Variants in SCOC observed in about 807,000 individuals in gnomAD.
SCOC encodes the protein short coiled coil protein.
A neutral mutation model predicts 9.9 loss-of-function variants in SCOC; 7 were observed. That is an observed-to-expected ratio of 0.71 (90% CI 0.40 to 1.33). The LOEUF (loss-of-function observed/expected upper bound fraction) is 1.33. Ranked by LOEUF, SCOC falls within the 40% of genes most tolerant of loss-of-function variation. The probability of loss-of-function intolerance (pLI) is 0.01; values close to 1 mark genes in which losing one functional copy is unlikely to be tolerated. For missense variants in SCOC, 66 were observed against 89.7 expected (o/e 0.74, Z 1.07); for synonymous variants, 19 against 28.2 (o/e 0.67, Z 1.03).
chr4:140,355,329 A>G (rs769878901), intron 2 of SCOC, among the ~76,000 whole-genome samples: 1 of 151,188 alleles, frequency 6.6e-6, no homozygotes, highest in Non-Finnish European at 1.5e-5. Flanking sequence ...ATAAGCATTC[A>G]TTAAAAACGT....
At chr4:140,326,340 G>GA (rs199946502) in intron 1 of SCOC, among the ~76,000 whole-genome samples, 16 of 149,790 alleles carry the variant, frequency 1.1e-4, no homozygotes, top group South Asian at 2.1e-4. Context: ...TATGCAAATT[G>GA]AAAAAAAAAT....
At chr4:140,297,303 C>T (rs879854967) in intron 1 of SCOC, among the ~76,000 whole-genome samples, 4 of 151,730 alleles carry the variant, frequency 2.6e-5, no homozygotes, top group Non-Finnish European at 4.4e-5. Context: ...TATCTGCTGC[C>T]GGAGCCCACG....
intron 2 of SCOC, among the ~76,000 whole-genome samples, chr4:140,350,966 G>A (rs1013996348): frequency 1.3e-5 from 2 of 151,778 alleles, no homozygotes; most frequent in Admixed American, 1.3e-4. Context: ...GAGGCCGGCA[G>A]ATCGCCTGAG....
intron 1 of SCOC, among the ~76,000 whole-genome samples, chr4:140,336,356 A>G (rs1732957891): frequency 6.6e-6 from 1 of 152,130 alleles, no homozygotes; most frequent in Admixed American, 6.5e-5. Context: ...AACACACCCC[A>G]TAGCCATTAA....
Position 140,366,589 on chromosome 4 carries a change from C to A in SCOC, c.71-12532C>A, listed in dbSNP as rs1727808060. On this transcript the variant is annotated intron_variant, in intron 2 of 4. Transcript: ENST00000338517. ...TTCTCTGGCTTCAATCTTCTTGGCC[C>A]ATCGTGTGGCTGCCCATTTTGTATT... 37 of 1,605,222 alleles carry A rather than the reference C, an allele frequency of 2.3e-5. No homozygotes were observed. The South Asian group carries it at 3.9e-4, about 17-fold the overall frequency.
At chr4:140,363,970 T>C (rs1024978224) in intron 2 of SCOC, among the ~76,000 whole-genome samples, 1 of 152,208 alleles carries the variant, frequency 6.6e-6, no homozygotes. Context: ...TTGCTTGATA[T>C]GTATTGCAGA....
At chr4:140,287,363 C>G (rs1004719629) in intron 1 of SCOC, among the ~76,000 whole-genome samples, 2 of 151,704 alleles carry the variant, frequency 1.3e-5, no homozygotes, top group African/African-American at 4.9e-5. Flanking sequence ...ACATGCCACA[C>G]AGATCACGAA....
At chr4:140,372,674 A>C (rs1231356751), upstream of SCOC, among the ~76,000 whole-genome samples, 1 of 152,246 alleles carries the variant, frequency 6.6e-6, no homozygotes, top group Non-Finnish European at 1.5e-5. Flanking sequence ...AAAATGATTA[A>C]GGCGATGTGT....
At chr4:140,257,454 A>T (rs901470456) in intron 1 of SCOC, 4 of 152,166 alleles carry the variant, frequency 2.6e-5, no homozygotes, top group Non-Finnish European at 5.9e-5. Context: ...GCTTTGTTCA[A>T]GGCATCTGCT....
intron 1 of SCOC, among the ~76,000 whole-genome samples, chr4:140,302,555 T>C (rs1731842366): frequency 6.6e-6 from 1 of 152,242 alleles, no homozygotes; most frequent in Admixed American, 6.5e-5. Context: ...CTCCCATTCA[T>C]ACATGAAACT....
chr4:140,316,607 G>A (rs550179870), intron 1 of SCOC, among the ~76,000 whole-genome samples: 13 of 152,130 alleles, frequency 8.5e-5, no homozygotes, highest in African/African-American at 9.7e-5. Flanking sequence ...GAGTGAGTGT[G>A]TGGAGGGAGT....
chr4:140,293,393 A>T (rs1314178745), intron 1 of SCOC: 1 of 456,786 alleles, frequency 2.2e-6, no homozygotes, highest in Non-Finnish European at 4.4e-6. Context: ...CCAAGACAGG[A>T]TTGGAGGTGT....
At chr4:140,336,621 T>G (rs1431647029) in intron 1 of SCOC, among the ~76,000 whole-genome samples, 1 of 152,188 alleles carries the variant, frequency 6.6e-6, no homozygotes, top group African/African-American at 2.4e-5. Flanking sequence ...ATTTATCCAT[T>G]TCTCCATTGA....
At chr4:140,361,687 T>G (rs1727476081) in intron 2 of SCOC, among the ~76,000 whole-genome samples, 1 of 152,098 alleles carries the variant, frequency 6.6e-6, no homozygotes, top group South Asian at 2.1e-4. Context: ...TATTTTAACG[T>G]AAAACTCTTT....
At chr4:140,378,903 C>T (rs537383188) in intron 1 of SCOC, among the ~76,000 whole-genome samples, 15 of 152,006 alleles carry the variant, frequency 9.9e-5, no homozygotes, top group African/African-American at 3.1e-4. Context: ...AATAACTGTA[C>T]GGTGGTATTT....
rs536711621 is a variant in SCOC at position 140,356,437 on chromosome 4, C to G, written c.70+12729C>G. ...AGCCCACTGAAGCTTCACCAGTTGT[C>G]TTGATAATATCCTTTACAAAAAGTA... On this transcript the variant is annotated intron_variant, in intron 2 of 4. Coordinates refer to the SCOC transcript ENST00000338517. Among the ~76,000 whole-genome samples, 6 of 152,330 alleles carry G rather than the reference C, an allele frequency of 3.9e-5. No homozygotes were observed. In the East Asian group the frequency reaches 1.2e-3, roughly 29 times the overall value.
intron 1 of SCOC, among the ~76,000 whole-genome samples, chr4:140,303,907 AC>A (rs1731885649): frequency 6.6e-6 from 1 of 152,204 alleles, no homozygotes; most frequent in Admixed American, 6.5e-5. Flanking sequence ...TTACCTACAT[AC>A]GATTTGCTCA....
intron 1 of SCOC, among the ~76,000 whole-genome samples, chr4:140,304,798 A>G (rs1731917122): frequency 6.6e-6 from 1 of 152,144 alleles, no homozygotes; most frequent in African/African-American, 2.4e-5. Flanking sequence ...TAAACAAGAA[A>G]CCAACCAACC....
intron 1 of SCOC, among the ~76,000 whole-genome samples, chr4:140,275,726 G>A (rs1036559778): frequency 2.7e-4 from 41 of 151,874 alleles, no homozygotes; most frequent in African/African-American, 9.9e-4. Flanking sequence ...ACGTATTGAG[G>A]GATTGATGCT....
Sources: gnomAD v4.1 joint callset for allele counts (sites outside exome capture counted in the v4.1 genomes callset) on GRCh38, gnomAD v4.1.1 for gene constraint, MANE v1.5 for transcripts, NCBI Gene and HGNC (gene_info 2026-07-23, HGNC 2026-07-21) for gene names.